The following AFF3 variants were observed in gnomAD, a reference collection of about 807,000 sequenced individuals.
AFF3 encodes the protein AF4/FMR2 family member 3.
Under a neutral mutation model 129.7 loss-of-function variants are expected in AFF3, and 32 were observed. The ratio of observed to expected loss-of-function variants is 0.25; its 90% confidence interval spans 0.19 to 0.33. AFF3 has a LOEUF of 0.33. Among genes scored for constraint, AFF3 ranks in the 10% least tolerant of loss-of-function variants. AFF3 has a pLI of 1.00. For missense variants in AFF3, 1,373 were observed against 1,592.0 expected (o/e 0.86, Z 2.34); for synonymous variants, 644 against 635.4 (o/e 1.01, Z -0.20).
chr2:99,940,640 C>G (rs1338273450), intron 7 of AFF3, among the ~76,000 whole-genome samples: 1 of 152,124 alleles, frequency 6.6e-6, no homozygotes, highest in African/African-American at 2.4e-5. Context: ...AATAATCCAC[C>G]CTTGTTTAGC....
chr2:100,061,909 A>C (rs1687319414), intron 4 of AFF3, among the ~76,000 whole-genome samples: 1 of 151,852 alleles, frequency 6.6e-6, no homozygotes, highest in Non-Finnish European at 1.5e-5. Context: ...TCAAAGCAGA[A>C]ATGCACAGCA....
intron 7 of AFF3, among the ~76,000 whole-genome samples, chr2:99,888,034 T>C (rs181983335): frequency 3.5e-3 from 527 of 152,354 alleles, no homozygotes; most frequent in Middle Eastern, 0.01. Flanking sequence ...GCAAGTGTTA[T>C]ATTAATAACT....
intron 13 of AFF3, among the ~76,000 whole-genome samples, chr2:99,628,727 T>TTTTTTTTG (rs1682841091): frequency 6.9e-6 from 1 of 144,008 alleles, no homozygotes; most frequent in Non-Finnish European, 1.5e-5. Context: ...TGACTGATTT[T>TTTTTTTTG]TTTTTTTTTT....
chr2:99,895,687 G>A (rs528139035), intron 7 of AFF3, among the ~76,000 whole-genome samples: 6 of 152,180 alleles, frequency 3.9e-5, no homozygotes, highest in Admixed American at 6.5e-5. Flanking sequence ...CACACAGCAG[G>A]GACTCGGTGG....
At chr2:99,645,151 A>G (rs904401784) in intron 13 of AFF3, among the ~76,000 whole-genome samples, 1 of 152,102 alleles carries the variant, frequency 6.6e-6, no homozygotes, top group African/African-American at 2.4e-5. Context: ...CCTGGGCAAC[A>G]TGGTGAAGCC....
chr2:99,745,909 G>A (rs1019318675), intron 9 of AFF3, among the ~76,000 whole-genome samples: 3 of 152,070 alleles, frequency 2.0e-5, no homozygotes, highest in Admixed American at 2.0e-4. Flanking sequence ...TTATAAGTGG[G>A]AGTTAAGCTA....
At chr2:99,695,234 G>C (rs532418311) in intron 11 of AFF3, among the ~76,000 whole-genome samples, 1 of 152,204 alleles carries the variant, frequency 6.6e-6, no homozygotes, top group Admixed American at 6.5e-5. Flanking sequence ...ACAGCCGCGT[G>C]TGCCTGGTAG....
chr2:99,588,261 C>T (rs745527393), intron 15 of AFF3, among the ~76,000 whole-genome samples: 16 of 152,060 alleles, frequency 1.1e-4, no homozygotes, highest in African/African-American at 3.1e-4. Flanking sequence ...ACTGCAGCCT[C>T]GACCTCCCAG....
intron 4 of AFF3, among the ~76,000 whole-genome samples, chr2:100,057,198 G>A (rs1000387930): frequency 6.6e-6 from 1 of 151,730 alleles, no homozygotes; most frequent in Non-Finnish European, 1.5e-5. Flanking sequence ...GCGGGCGCCT[G>A]TAATCCCAGC....
At chr2:99,594,435 T>A in intron 14 of AFF3, 146 bp from the exon 15 acceptor site, 1 of 1,233,014 alleles carries the variant, frequency 8.1e-7, no homozygotes, top group Non-Finnish European at 1.1e-6. Flanking sequence ...ATGGAAGCAT[T>A]AAGCGTGTGT....
At chr2:100,001,852 T>C (rs1026232376) in intron 7 of AFF3, among the ~76,000 whole-genome samples, 12 of 152,240 alleles carry the variant, frequency 7.9e-5, no homozygotes, top group African/African-American at 2.9e-4. Context: ...AGAAACCAAG[T>C]GCTTCCCTCC....
intron 8 of AFF3, among the ~76,000 whole-genome samples, chr2:99,823,645 A>G (rs547146923): frequency 6.6e-6 from 1 of 152,300 alleles, no homozygotes; most frequent in African/African-American, 2.4e-5. Flanking sequence ...TAAAAAAATG[A>G]GTAGTCATAT....
chr2:99,669,804 T>C (rs1351238225), intron 12 of AFF3, among the ~76,000 whole-genome samples: 1 of 152,068 alleles, frequency 6.6e-6, no homozygotes, highest in African/African-American at 2.4e-5. Context: ...ACCCCGTCTC[T>C]AGTGAAAATA....
At chr2:99,973,826 G>T (rs1678622620) in intron 7 of AFF3, among the ~76,000 whole-genome samples, 1 of 152,018 alleles carries the variant, frequency 6.6e-6, no homozygotes, top group African/African-American at 2.4e-5. Context: ...CTTTGTTGTG[G>T]CCCGCTCTGG....
At chr2:99,596,161 G>T (rs1421583245) in intron 14 of AFF3, among the ~76,000 whole-genome samples, 2 of 152,206 alleles carry the variant, frequency 1.3e-5, no homozygotes, top group African/African-American at 2.4e-5. Context: ...ATATGCAAAT[G>T]AGTAGAAAGA....
intron 8 of AFF3, among the ~76,000 whole-genome samples, chr2:99,771,638 A>G (rs1683500371): frequency 6.6e-6 from 1 of 152,212 alleles, no homozygotes; most frequent in Admixed American, 6.5e-5. Flanking sequence ...CAATATTTCA[A>G]AGCTCTCAGA....
At chr2:99,770,302 G>A (rs188666869) in intron 8 of AFF3, among the ~76,000 whole-genome samples, 5 of 152,236 alleles carry the variant, frequency 3.3e-5, no homozygotes, top group East Asian at 1.9e-4. Flanking sequence ...GGCCACTGCC[G>A]ATGTTAACTT....
At chr2:99,943,010 A>G (rs1171183644) in intron 7 of AFF3, among the ~76,000 whole-genome samples, 1 of 152,142 alleles carries the variant, frequency 6.6e-6, no homozygotes, top group Admixed American at 6.5e-5. Flanking sequence ...TTTCAGCAGC[A>G]CTACCACTTC....
intron 8 of AFF3, among the ~76,000 whole-genome samples, chr2:99,815,470 C>T (rs1454508968): frequency 6.6e-6 from 1 of 152,246 alleles, no homozygotes; most frequent in Non-Finnish European, 1.5e-5. Context: ...TTGGCACTTA[C>T]TCCATGCTGC....
Sources: gnomAD v4.1 joint callset for allele counts (sites outside exome capture counted in the v4.1 genomes callset) on GRCh38, gnomAD v4.1.1 for gene constraint, MANE v1.5 for transcripts, NCBI Gene and HGNC (gene_info 2026-07-23, HGNC 2026-07-21) for gene names.